Variants in AFF3 observed in about 807,000 individuals in gnomAD.
AFF3 encodes the protein ALF transcription elongation factor 3.
AFF3 carries 32 observed loss-of-function variants against 129.7 expected under a neutral mutation model. The ratio of observed to expected loss-of-function variants is 0.25; its 90% CI spans 0.19 to 0.33. The LOEUF is 0.33. Among genes scored for constraint, AFF3 ranks in the 10% least tolerant of loss-of-function variants. The probability of loss-of-function intolerance (pLI) is 1.00; values close to 1 mark genes in which losing one functional copy is unlikely to be tolerated. For missense variants in AFF3, 1,373 were observed against 1,592.0 expected (o/e 0.86, Z 2.34); for synonymous variants, 644 against 635.4 (o/e 1.01, Z -0.20).
At chr2:99,897,192 C>T (rs984389672) in intron 7 of AFF3, among the ~76,000 whole-genome samples, 2 of 152,054 alleles carry the variant, frequency 1.3e-5, no homozygotes, top group African/African-American at 2.4e-5. Context: ...ATTATGATTG[C>T]TATTTTGGGA....
chr2:100,129,021 C>G (rs1231895953), intron 2 of AFF3, among the ~76,000 whole-genome samples: 4 of 152,196 alleles, frequency 2.6e-5, no homozygotes, highest in Admixed American at 2.6e-4. Flanking sequence ...AACACAGGCC[C>G]ACAGCTCATA....
intron 4 of AFF3, among the ~76,000 whole-genome samples, chr2:100,098,248 T>C (rs1004344220): frequency 2.2e-4 from 34 of 151,298 alleles, no homozygotes; most frequent in African/African-American, 8.3e-4. Context: ...ACAGCCAACA[T>C]TGAAAATAAG....
At chr2:100,034,322 T>C (rs1684743094) in intron 4 of AFF3, among the ~76,000 whole-genome samples, 1 of 152,084 alleles carries the variant, frequency 6.6e-6, no homozygotes, top group Admixed American at 6.5e-5. Context: ...TGCCAAAGTA[T>C]TAACATGCCT....
At chr2:100,004,534 C>A (rs975728409) in intron 7 of AFF3, among the ~76,000 whole-genome samples, 3 of 152,124 alleles carry the variant, frequency 2.0e-5, no homozygotes, top group Non-Finnish European at 4.4e-5. Context: ...AATCCTCCCA[C>A]CTCAGCCTCC....
chr2:99,664,012 T>C (rs1332325979), intron 12 of AFF3, among the ~76,000 whole-genome samples: 5 of 152,254 alleles, frequency 3.3e-5, no homozygotes, highest in African/African-American at 1.2e-4. Context: ...TGGGAAGACA[T>C]GCAATATAAT....
At chr2:99,757,934 G>T (rs1196630442) in intron 8 of AFF3, among the ~76,000 whole-genome samples, 1 of 152,096 alleles carries the variant, frequency 6.6e-6, no homozygotes, top group Non-Finnish European at 1.5e-5. Flanking sequence ...CCCCTCTATT[G>T]TGGTTACTTG....
intron 4 of AFF3, among the ~76,000 whole-genome samples, chr2:100,103,556 A>T (rs964747454): frequency 2.0e-5 from 3 of 151,250 alleles, no homozygotes. Context: ...TAAGACAGAT[A>T]CTAAAGCAGC....
At chr2:100,106,282 T>A (rs190572181) in intron 2 of AFF3, 1 of 1,177,088 alleles carries the variant, frequency 8.5e-7, no homozygotes, top group Non-Finnish European at 1.1e-6. Flanking sequence ...TTTTACAAGC[T>A]GATAACTCTC....
intron 8 of AFF3, among the ~76,000 whole-genome samples, chr2:99,785,439 G>C (rs1684719363): frequency 6.6e-6 from 1 of 152,114 alleles, no homozygotes; most frequent in South Asian, 2.1e-4. Context: ...TACCTGTAAA[G>C]GTTACAACTA....
chr2:100,099,849 T>C (rs1172841800), intron 4 of AFF3, among the ~76,000 whole-genome samples: 1 of 152,062 alleles, frequency 6.6e-6, no homozygotes, highest in African/African-American at 2.4e-5. Context: ...GTATCACACA[T>C]AGTAATAAGC....
intron 7 of AFF3, among the ~76,000 whole-genome samples, chr2:99,950,386 T>C (rs1676034767): frequency 6.6e-6 from 1 of 152,296 alleles, no homozygotes. Flanking sequence ...TGGGTGAATA[T>C]GTGGTAGAGG....
chr2:99,849,676 C>T (rs1485604501), intron 7 of AFF3, among the ~76,000 whole-genome samples: 6 of 152,096 alleles, frequency 3.9e-5, no homozygotes, highest in Admixed American at 1.3e-4. Context: ...AAAGTATTTT[C>T]GTATTTAGAA....
intron 8 of AFF3, among the ~76,000 whole-genome samples, chr2:99,806,504 C>G (rs1228905884): frequency 6.6e-6 from 1 of 152,156 alleles, no homozygotes; most frequent in African/African-American, 2.4e-5. Context: ...ATGCGATGCA[C>G]CAGGAATCTC....
chr2:99,769,172 C>T (rs570762366), intron 8 of AFF3, among the ~76,000 whole-genome samples: 158 of 152,278 alleles, frequency 1.0e-3, no homozygotes, highest in African/African-American at 3.5e-3. Context: ...CTGTGCCTCA[C>T]TGTTTTTTAT....
At chr2:100,111,706 T>C (rs1467366337) in intron 2 of AFF3, among the ~76,000 whole-genome samples, 1 of 152,236 alleles carries the variant, frequency 6.6e-6, no homozygotes, top group Non-Finnish European at 1.5e-5. Flanking sequence ...GCTGATTTAC[T>C]TCAGAAGAAG....
chr2:100,115,005 A>G (rs1283615036), intron 2 of AFF3, among the ~76,000 whole-genome samples: 1 of 152,126 alleles, frequency 6.6e-6, no homozygotes, highest in Non-Finnish European at 1.5e-5. Context: ...CCTCAAAAAG[A>G]CTTTTGTTTG....
chr2:99,971,042 C>T (rs1462470683), intron 7 of AFF3, among the ~76,000 whole-genome samples: 1 of 152,206 alleles, frequency 6.6e-6, no homozygotes, highest in Non-Finnish European at 1.5e-5. Context: ...TAAACACCTA[C>T]AGTATTGGCA....
At chr2:99,656,897 T>C (rs1685795602) in intron 12 of AFF3, among the ~76,000 whole-genome samples, 1 of 152,132 alleles carries the variant, frequency 6.6e-6, no homozygotes, top group African/African-American at 2.4e-5. Context: ...TCCCATTCTC[T>C]ATAGGGGTCA....
chr2:100,012,600 G>A (rs993413827), intron 4 of AFF3, among the ~76,000 whole-genome samples: 1 of 152,194 alleles, frequency 6.6e-6, no homozygotes, highest in African/African-American at 2.4e-5. Flanking sequence ...TGAAAATTGT[G>A]CCGGTGCTCA....
Sources: gnomAD v4.1 joint callset for allele counts (sites outside exome capture counted in the v4.1 genomes callset) on GRCh38, gnomAD v4.1.1 for gene constraint, MANE v1.5 for transcripts, NCBI Gene and HGNC (gene_info 2026-07-23, HGNC 2026-07-21) for gene names.